Variants in PEPD observed in about 807,000 individuals in gnomAD.
PEPD encodes the protein peptidase D.
PEPD carries 53 observed loss-of-function variants against 60.7 expected under a neutral mutation model. That is an observed-to-expected ratio of 0.87 (90% CI 0.70 to 1.10). The LOEUF (loss-of-function observed/expected upper bound fraction) is 1.10. Among genes scored for constraint, PEPD ranks in the 50% least tolerant of loss-of-function variants. The pLI, the probability that PEPD is intolerant of heterozygous loss-of-function variation, is 0.00. For synonymous variants in PEPD, 267 were observed against 284.1 expected, an observed-to-expected ratio of 0.94 and a Z score of 0.60; for missense variants, 711 against 711.9, an observed-to-expected ratio of 1.00 and a Z score of 0.01.
intron 12 of PEPD, among the ~76,000 whole-genome samples, chr19:33,400,214 C>A (rs1968457767): frequency 6.6e-6 from 1 of 152,166 alleles, no homozygotes; most frequent in African/African-American, 2.4e-5. Flanking sequence ...GGACTATGAC[C>A]TGGGCATGGC....
At position 33,464,063 on chromosome 19, in the gene PEPD, C is replaced by T. The variant is rs1204749077; in HGVS notation, c.549-1G>A. The stretch of plus-strand genomic sequence containing the variant: ...CTCCATATCCGTCTTAAACACTCGG[C>T]TTCAGAGACAGAAGAACAAAGCAGC... On this transcript the variant is annotated splice_acceptor_variant, in intron 7 of 14. Transcript: ENST00000244137. LOFTEE classifies it high-confidence loss of function. 2 of 1,610,466 alleles carry T rather than the reference C, an allele frequency of 1.2e-6. No individual in the cohort carries two copies. Among genetic ancestry groups the T allele is most frequent in the African/African-American group, 1.3e-5 (1 of 74,970 alleles).
intron 6 of PEPD, among the ~76,000 whole-genome samples, chr19:33,485,655 G>A (rs955193764): frequency 5.9e-5 from 9 of 151,862 alleles, no homozygotes; most frequent in African/African-American, 1.9e-4. Flanking sequence ...TCACATCTTC[G>A]GATATTAATA....
chr19:33,469,921 G>A (rs1038111368), intron 7 of PEPD, among the ~76,000 whole-genome samples: 6 of 149,942 alleles, frequency 4.0e-5, no homozygotes, highest in Non-Finnish European at 5.9e-5. Context: ...CGCAGAAGGC[G>A]TGGTTCCCTC....
At chr19:33,509,656 A>G (rs1970883703) in intron 3 of PEPD, among the ~76,000 whole-genome samples, 1 of 152,242 alleles carries the variant, frequency 6.6e-6, no homozygotes. Flanking sequence ...CCTGGTAATG[A>G]GCATTCTGGG....
chr19:33,476,089 C>T (rs1600145718), intron 7 of PEPD, among the ~76,000 whole-genome samples: 1 of 152,290 alleles, frequency 6.6e-6, no homozygotes, highest in East Asian at 1.9e-4. Context: ...TGGTCTCAAA[C>T]TCCCGGCCTC....
chr19:33,488,293 A>C (rs950568526), intron 6 of PEPD, among the ~76,000 whole-genome samples: 1 of 152,266 alleles, frequency 6.6e-6, no homozygotes, highest in African/African-American at 2.4e-5. Context: ...GCCAGGCTCC[A>C]GGTGAGCATG....
intron 12 of PEPD, among the ~76,000 whole-genome samples, chr19:33,400,161 G>A (rs1314157886): frequency 6.6e-6 from 1 of 152,198 alleles, no homozygotes; most frequent in Non-Finnish European, 1.5e-5. Flanking sequence ...TATAGCTGTG[G>A]GTGAGAGGCA....
At chr19:33,506,889 A>G (rs1970824368) in intron 3 of PEPD, among the ~76,000 whole-genome samples, 1 of 149,534 alleles carries the variant, frequency 6.7e-6, no homozygotes, top group Non-Finnish European at 1.5e-5. Flanking sequence ...CCCCCATCAC[A>G]AACACCCTAC....
chr19:33,405,528 T>G (rs1410707926), intron 11 of PEPD, among the ~76,000 whole-genome samples: 2 of 152,352 alleles, frequency 1.3e-5, no homozygotes, highest in East Asian at 3.9e-4. Context: ...CAGGAAGCAC[T>G]TGCTTCTCCT....
chr19:33,391,140 C>A (rs1194549217), intron 13 of PEPD, among the ~76,000 whole-genome samples, 155 bp downstream of exon 13: 1 of 152,126 alleles, frequency 6.6e-6, no homozygotes, highest in East Asian at 1.9e-4. Context: ...CGATTCCCCC[C>A]TCCTCATGGC....
intron 12 of PEPD, among the ~76,000 whole-genome samples, chr19:33,392,519 G>A (rs960438330): frequency 6.6e-6 from 1 of 152,170 alleles, no homozygotes; most frequent in African/African-American, 2.4e-5. Flanking sequence ...CAGAGGCCGG[G>A]GCCCCAGGAC....
intron 9 of PEPD, among the ~76,000 whole-genome samples, chr19:33,430,667 T>C (rs1969251199): frequency 6.6e-6 from 1 of 152,192 alleles, no homozygotes; most frequent in African/African-American, 2.4e-5. Context: ...TAAAGCTATT[T>C]TCATTTTGAA....
chr19:33,512,612 G>A lies in PEPD; in HGVS notation c.182C>T (p.Thr61Ile). The A allele has an allele frequency of 1.9e-6, 3 of 1,613,876 alleles. No homozygotes were observed. The highest frequency in any genetic ancestry group is 2.5e-6 in the Non-Finnish European group (3 of 1,179,962). Residue 61 changes from threonine to isoleucine, a missense_variant, in exon 2 of 15, where the codon ACC becomes ATC. Thr to Ile is a moderately conservative substitution (Grantham distance 89). Coordinates refer to ENST00000244137, the MANE Select transcript of PEPD (RefSeq NM_000285.4). Reference protein sequence around the residue: ...GEETQRYCTDTGVLFRQESFF... With the variant: ...GEETQRYCTDIGVLFRQESFF... ...GCTCACCTGGCGGAAGAGGACCCCGGTGTCGGTGCAGTAGCGCTGAGTCTC... is the reference window on the plus strand; with the variant it reads ...GCTCACCTGGCGGAAGAGGACCCCGATGTCGGTGCAGTAGCGCTGAGTCTC...
chr19:33,444,568 G>A (rs1199485564), intron 9 of PEPD, among the ~76,000 whole-genome samples: 1 of 147,966 alleles, frequency 6.8e-6, no homozygotes, highest in Non-Finnish European at 1.5e-5. Flanking sequence ...ATCCACAGGT[G>A]AGCGCTCTCA....
intron 9 of PEPD, among the ~76,000 whole-genome samples, chr19:33,440,225 T>C (rs961957048): frequency 6.6e-6 from 1 of 152,100 alleles, no homozygotes; most frequent in South Asian, 2.1e-4. Flanking sequence ...CTTCCCCACC[T>C]CACTCAATAG....
chr19:33,507,894 G>C (rs776408435), intron 3 of PEPD, among the ~76,000 whole-genome samples: 1 of 152,116 alleles, frequency 6.6e-6, no homozygotes, highest in African/African-American at 2.4e-5. Flanking sequence ...CCTGCTCGGG[G>C]TGGCTGTGGT....
rs144467863 is a variant in PEPD, at chr19:33,440,102, C to T, written c.671+22893G>A. Among the ~76,000 whole-genome samples, 37 of 152,292 alleles carry T rather than the reference C, an allele frequency of 2.4e-4. No homozygotes were observed. In the East Asian group the frequency reaches 6.9e-3, roughly 29 times the overall value. Reference sequence around the variant, plus strand: ...GACAACCACTGGGACCTGCGCAAGACGAGTGATCCTGGCTGGAAATGAACC... The same window carrying T: ...GACAACCACTGGGACCTGCGCAAGATGAGTGATCCTGGCTGGAAATGAACC... On this transcript the variant is annotated intron_variant, in intron 9 of 14. Transcript: ENST00000244137.
chr19:33,397,041 A>C (rs924999860), intron 12 of PEPD, among the ~76,000 whole-genome samples: 1 of 152,002 alleles, frequency 6.6e-6, no homozygotes, highest in Non-Finnish European at 1.5e-5. Context: ...AGCCGCGCTG[A>C]GCTTGGATCC....
chr19:33,507,689 C>T (rs1261040474), intron 3 of PEPD, among the ~76,000 whole-genome samples: 1 of 152,180 alleles, frequency 6.6e-6, no homozygotes, highest in Non-Finnish European at 1.5e-5. Context: ...CTCCCGTCAG[C>T]CTCGCTCCTG....
Sources: allele counts gnomAD v4.1 joint callset (sites outside exome capture counted in the v4.1 genomes callset), GRCh38; gene constraint gnomAD v4.1.1; transcripts MANE v1.5; gene names NCBI Gene and HGNC (gene_info 2026-07-23, HGNC 2026-07-21).